ARAP1: variants seen among roughly 807,000 people sequenced by gnomAD.
ARAP1 encodes the protein ArfGAP with RhoGAP domain, ankyrin repeat and PH domain 1.
Under a neutral mutation model 172.2 loss-of-function variants are expected in ARAP1, and 76 were observed. The ratio of observed to expected loss-of-function variants is 0.44; its 90% CI spans 0.37 to 0.53. The LOEUF (loss-of-function observed/expected upper bound fraction) is 0.53, where lower values mean the gene tolerates loss of function less well. ARAP1 is among the 20% of genes least tolerant of loss of function. The pLI is 0.00. For missense variants in ARAP1, 1,686 were observed against 1,977.5 expected (o/e 0.85, Z 2.80); for synonymous variants, 804 against 803.3 (o/e 1.00, Z -0.01).
Position 72,699,460 on chromosome 11 carries a change from T to C in ARAP1, c.2395A>G (p.Ser799Gly). 1 of 1,614,136 alleles carries C rather than the reference T, an allele frequency of 6.2e-7. No homozygotes were observed. Among genetic ancestry groups the C allele is most frequent in the Non-Finnish European group, 8.5e-7 (1 of 1,180,022 alleles). The part of the protein sequence containing the change: ...AVTPNGEIRA[S>G]EIVCLAVPPP... ...GGCACTGCCAGGCACACAATCTCGC[T>C]GGCCCGAATCTCTCCATTGGGGGTC... is the stretch of plus-strand genomic sequence containing the variant. The change falls in exon 17 of 35, where the codon AGC (serine) becomes GGC (glycine). Residue 799 changes from serine (S) to glycine (G), a missense_variant. Around this residue, in one of 5 missense-constraint regions of ARAP1, gnomAD observed 688 missense variants for 856.9 expected, o/e 0.80. Transcript: ENST00000393609. The surrounding 1 kb of genome is among the most constrained non-coding windows in gnomAD (Gnocchi z 4.2).
At position 72,687,711 on chromosome 11, in the gene ARAP1, T is replaced by C; in HGVS notation, c.4098A>G (p.Thr1366=). The C allele has an allele frequency of 1.9e-6, 3 of 1,614,182 alleles. No homozygotes were observed. The highest frequency in any genetic ancestry group is 2.5e-6 in the Non-Finnish European group (3 of 1,180,036). The part of the protein sequence containing the change: ...TCWGFTVVHE[T]EKHEKQQWYL... Reference sequence around the variant, plus strand: ...ACCACTGCTGCTTCTCATGTTTCTCTGTCTCATGCACCACTGTGAAGCCCC... The same window carrying C: ...ACCACTGCTGCTTCTCATGTTTCTCCGTCTCATGCACCACTGTGAAGCCCC... Residue 1366 remains threonine, a synonymous_variant, in exon 32 of 35, where the codon ACA becomes ACG. Coordinates refer to ENST00000393609, the MANE Select transcript of ARAP1 (RefSeq NM_001040118.3).
chr11:72,701,251 G>A (rs1443339970), intron 16 of ARAP1, among the ~76,000 whole-genome samples: 1 of 152,018 alleles, frequency 6.6e-6, no homozygotes, highest in Non-Finnish European at 1.5e-5. Context: ...TGGGGGTGGT[G>A]GCCAACTGTG....
intron 14 of ARAP1, 160 bp from the exon 15 acceptor site, chr11:72,703,239 G>T: frequency 1.3e-6 from 1 of 774,390 alleles, no homozygotes. Flanking sequence ...AAGAGAGAAG[G>T]AGAGGGAAGA....
Position 72,710,377 on chromosome 11 carries a change from C to G in ARAP1, c.1416+8G>C. The G allele has an allele frequency of 6.2e-7, 1 of 1,613,884 alleles. No individual in the cohort carries two copies. Among genetic ancestry groups the G allele is most frequent in the Non-Finnish European group, 8.5e-7 (1 of 1,179,878 alleles). The stretch of plus-strand genomic sequence containing the variant: ...GGGCAGGGGAGAGGTTCCATGACCC[C>G]TTAGCACCTCTAGATTCTTGTAGAG... On this transcript the variant is annotated splice_region_variant and intron_variant, in intron 10 of 34. Transcript: ENST00000393609. This position sits in a 1 kb window ranked among gnomAD's most constrained non-coding sequence, Gnocchi z 4.3.
At chr11:72,733,067 G>A (rs1857911291) in intron 1 of ARAP1, among the ~76,000 whole-genome samples, 1 of 152,174 alleles carries the variant, frequency 6.6e-6, no homozygotes, top group South Asian at 2.1e-4. Flanking sequence ...AGGATTCGGG[G>A]AACCTCATGC....
Position 72,693,058 on chromosome 11 carries a change from G to A in ARAP1, c.3954+267C>T, listed in dbSNP as rs1443090119. The A allele has an allele frequency of 1.6e-6, 1 of 643,362 alleles. No homozygotes were observed. The highest frequency in any genetic ancestry group is 1.8e-5 in the African/African-American group (1 of 54,746). The allele number at this position is 643,362 out of a possible 1,614,324, so 39.9% of individuals were successfully genotyped here. Reference sequence around the variant, plus strand: ...CAGGTTCCTGTGGATGCAGTGATAAGGCACAGGCACAGTGAGACAGAGCAT... The same window carrying A: ...CAGGTTCCTGTGGATGCAGTGATAAAGCACAGGCACAGTGAGACAGAGCAT... On this transcript the variant is annotated intron_variant, in intron 29 of 34. Coordinates refer to ENST00000393609, the MANE Select transcript of ARAP1 (RefSeq NM_001040118.3). This position sits in a 1 kb window ranked among gnomAD's most constrained non-coding sequence, Gnocchi z 4.6.
At chr11:72,694,406 G>A (rs1025720189) in intron 27 of ARAP1, among the ~76,000 whole-genome samples, 2 of 151,520 alleles carry the variant, frequency 1.3e-5, no homozygotes, top group African/African-American at 4.9e-5. Flanking sequence ...CACTGCCCTC[G>A]TCTCCTTGAA....
chr11:72,725,473 G>A lies in ARAP1; in HGVS notation c.509+1147C>T, dbSNP rs1172894301. Among the ~76,000 whole-genome samples, 1 of 152,056 alleles carries A rather than the reference G, an allele frequency of 6.6e-6. No individual in the cohort carries two copies. Among genetic ancestry groups the A allele is most frequent in the Non-Finnish European group, 1.5e-5 (1 of 68,020 alleles). ...CCTGGAGAGACCCTATACCTGTTAC[G>A]AGTTGTGTGAACCCAGGAAGAGCAT... On this transcript the variant is annotated intron_variant, in intron 3 of 34. Coordinates refer to ENST00000393609, the MANE Select transcript of ARAP1 (RefSeq NM_001040118.3). This position sits in a 1 kb window ranked among gnomAD's most constrained non-coding sequence, Gnocchi z 4.3.
chr11:72,687,676 G>A lies in ARAP1; in HGVS notation c.4121+12C>T. 1.9e-6 allele frequency: 3 copies of A among 1,614,176 alleles called. No homozygotes were observed. The highest frequency in any genetic ancestry group is 2.2e-5 in the South Asian group (2 of 91,080). On this transcript the variant is annotated intron_variant, in intron 32 of 34. Transcript: ENST00000393609. ...CCTCAGCCTGGGATCTCAGGATGAG[G>A]CGCTCACTCACCACTGCTGCTTCTC...
chr11:72,751,415 TG>T (rs1322689621), intron 1 of ARAP1, among the ~76,000 whole-genome samples: 1 of 152,008 alleles, frequency 6.6e-6, no homozygotes, highest in Non-Finnish European at 1.5e-5. Context: ...GGCCTGCACC[TG>T]TCCACACCTG....
chr11:72,687,199 T>C (rs1855728394), intron 33 of ARAP1: 1 of 564,106 alleles, frequency 1.8e-6, no homozygotes, highest in South Asian at 2.0e-5. Context: ...CCTGTCCACA[T>C]GAGGGGTGCC....
chr11:72,734,715 T>C (rs912090897), intron 1 of ARAP1, among the ~76,000 whole-genome samples: 3 of 152,234 alleles, frequency 2.0e-5, no homozygotes, highest in Admixed American at 2.0e-4. Context: ...AGTATGAATA[T>C]AGTCTAGCCC....
chr11:72,735,452 TGG>T (rs1430692640), intron 1 of ARAP1, among the ~76,000 whole-genome samples: 1 of 151,978 alleles, frequency 6.6e-6, no homozygotes, highest in Admixed American at 6.5e-5. Flanking sequence ...AAAAATTAGC[TGG>T]GCATGGTGGT....
At chr11:72,717,960 C>T (rs140028805) in intron 3 of ARAP1, among the ~76,000 whole-genome samples, 4 of 152,282 alleles carry the variant, frequency 2.6e-5, no homozygotes, top group African/African-American at 9.6e-5. Context: ...TCTCAGGACC[C>T]ATCTGAGAGG....
At chr11:72,703,840 C>A in intron 14 of ARAP1, 1 of 378,188 alleles carries the variant, frequency 2.6e-6, no homozygotes, top group Non-Finnish European at 4.8e-6. Flanking sequence ...ATAGCATCCC[C>A]ATCAAGTTCA....
At position 72,725,362 on chromosome 11, in the gene ARAP1, A is replaced by T. The variant is rs1245707663; in HGVS notation, c.509+1258T>A. Among the ~76,000 whole-genome samples the T allele has an allele frequency of 6.6e-6, 1 of 151,450 alleles. No homozygotes were observed. The highest frequency in any genetic ancestry group is 1.5e-5 in the Non-Finnish European group (1 of 67,720). On this transcript the variant is annotated intron_variant, in intron 3 of 34. Transcript: ENST00000393609. The surrounding 1 kb of genome is among the most constrained non-coding windows in gnomAD (Gnocchi z 4.3). ...CCCCCCACAAGCTGATGGGGTTGAA[A>T]TAGAAAACGCTCCTGCATGCAGAAG...
At chr11:72,709,757 G>C in intron 11 of ARAP1, 113 bp downstream of exon 11, 4 of 1,099,576 alleles carry the variant, frequency 3.6e-6, no homozygotes, top group Non-Finnish European at 5.6e-6. Flanking sequence ...GGGGCAGGGC[G>C]GGGCAGGGTG....
chr11:72,717,068 G>A (rs1857305970), intron 3 of ARAP1, among the ~76,000 whole-genome samples: 1 of 152,156 alleles, frequency 6.6e-6, no homozygotes, highest in South Asian at 2.1e-4. Context: ...TGGACAAGGT[G>A]GGTGGACAGG....
At chr11:72,711,551 T>C in intron 7 of ARAP1, 52 bp from the exon 8 acceptor site, 3 of 1,500,984 alleles carry the variant, frequency 2.0e-6, no homozygotes, top group Non-Finnish European at 2.8e-6. Flanking sequence ...GAGGACAGGT[T>C]CCAGGACCAC....
Sources: allele counts gnomAD v4.1 joint callset (sites outside exome capture counted in the v4.1 genomes callset), GRCh38; gene constraint gnomAD v4.1.1; regional missense constraint gnomAD v4.1.1; non-coding constraint Gnocchi (gnomAD v3.1); transcripts MANE v1.5; gene names NCBI Gene and HGNC (gene_info 2026-07-23, HGNC 2026-07-21).